Variants in UBXN11 observed in about 807,000 individuals in gnomAD.
UBXN11 encodes the protein UBX domain protein 11.
In UBXN11, 47 loss-of-function variants were observed where a neutral mutation model predicts 62.8. The observed-to-expected ratio is 0.75, with a 90% CI of 0.59 to 0.95. The LOEUF (loss-of-function observed/expected upper bound fraction) is 0.95. Among genes scored for constraint, UBXN11 ranks in the 40% least tolerant of loss-of-function variants. The pLI, the probability that UBXN11 is intolerant of heterozygous loss-of-function variation, is 0.00. For missense variants in UBXN11, 638 were observed against 661.7 expected (o/e 0.96, Z 0.39); for synonymous variants, 294 against 267.0 (o/e 1.10, Z -0.99).
intron 13 of UBXN11, 32 bp downstream of exon 13, chr1:26,282,832 C>T: frequency 6.2e-7 from 1 of 1,614,052 alleles, no homozygotes; most frequent in Non-Finnish European, 8.5e-7. Context: ...ACCCAACGCC[C>T]CCAGGCCCTC....
At chr1:26,301,502 T>C (rs2073533126) in intron 3 of UBXN11, among the ~76,000 whole-genome samples, 192 bp downstream of exon 3, 1 of 152,112 alleles carries the variant, frequency 6.6e-6, no homozygotes, top group African/African-American at 2.4e-5. Context: ...GTATGGGGCC[T>C]CCTAATCTGA....
intron 1 of UBXN11, among the ~76,000 whole-genome samples, chr1:26,305,526 C>G (rs1043499324): frequency 1.3e-5 from 2 of 152,086 alleles, no homozygotes; most frequent in African/African-American, 4.8e-5. Flanking sequence ...CAGCCTTAGG[C>G]AACCACAAAT....
intron 4 of UBXN11, among the ~76,000 whole-genome samples, chr1:26,299,168 T>C (rs1339722934): frequency 1.3e-5 from 2 of 152,272 alleles, no homozygotes; most frequent in South Asian, 2.1e-4. Context: ...GTGAGCTCAC[T>C]GGGGCACAGT....
chr1:26,285,277 GCT>G (rs1450521000), intron 10 of UBXN11, 185 bp downstream of exon 10: 4 of 1,378,744 alleles, frequency 2.9e-6, no homozygotes, highest in Middle Eastern at 2.7e-4. Context: ...GCTGCCTGCT[GCT>G]CTGTTTCGGG....
chr1:26,313,118 T>A (rs2073760226), intron 1 of UBXN11, among the ~76,000 whole-genome samples: 1 of 151,228 alleles, frequency 6.6e-6, no homozygotes, highest in Non-Finnish European at 1.5e-5. Flanking sequence ...CAGCCCTGTC[T>A]CAGTGAGGAT....
At chr1:26,284,949 T>TC in intron 10 of UBXN11, 1 of 1,001,052 alleles carries the variant, frequency 1.0e-6, no homozygotes, top group Non-Finnish European at 1.2e-6. Flanking sequence ...TGACACATGC[T>TC]CCCTCCCGGA....
chr1:26,289,504 C>A (rs1250278575), intron 8 of UBXN11, among the ~76,000 whole-genome samples: 2 of 152,132 alleles, frequency 1.3e-5, no homozygotes, highest in African/African-American at 4.8e-5. Flanking sequence ...AGCTCAGGAG[C>A]ATTGAGCCCT....
intron 10 of UBXN11, chr1:26,285,219 G>A (rs2073098853): frequency 1.5e-6 from 2 of 1,306,072 alleles, no homozygotes; most frequent in Non-Finnish European, 2.0e-6. Context: ...AGGACTAGAA[G>A]GCAGGGGCCC....
At chr1:26,310,100 C>G (rs2073725786), upstream of UBXN11, among the ~76,000 whole-genome samples, 1 of 152,110 alleles carries the variant, frequency 6.6e-6, no homozygotes, top group Non-Finnish European at 1.5e-5. Flanking sequence ...TGTGCCCGGC[C>G]CAAAAAGGAG....
intron 7 of UBXN11, among the ~76,000 whole-genome samples, chr1:26,294,560 C>A (rs532510729): frequency 6.6e-6 from 1 of 152,342 alleles, no homozygotes; most frequent in South Asian, 2.1e-4. Context: ...AGTGACAGTT[C>A]CTGCCACATA....
At chr1:26,305,773 C>A (rs2073652442) in intron 1 of UBXN11, among the ~76,000 whole-genome samples, 3 of 152,168 alleles carry the variant, frequency 2.0e-5, no homozygotes, top group African/African-American at 2.4e-5. Flanking sequence ...CATCACCCAA[C>A]CACATTTTTT....
chr1:26,287,449 TC>T (rs1222855504), intron 8 of UBXN11, among the ~76,000 whole-genome samples: 3 of 152,134 alleles, frequency 2.0e-5, no homozygotes, highest in Admixed American at 2.0e-4. Flanking sequence ...TGTTCTGTCA[TC>T]TTTGATGGGA....
At chr1:26,292,941 G>T (rs1053605482) in intron 8 of UBXN11, among the ~76,000 whole-genome samples, 1 of 152,140 alleles carries the variant, frequency 6.6e-6, no homozygotes, top group Non-Finnish European at 1.5e-5. Context: ...CCTGAGATCT[G>T]GGGGGATCCA....
chr1:26,293,303 T>G (rs1296434653), intron 8 of UBXN11, among the ~76,000 whole-genome samples: 1 of 152,128 alleles, frequency 6.6e-6, no homozygotes, highest in Non-Finnish European at 1.5e-5. Context: ...AAGCATCTTT[T>G]GGGTGACAAT....
chr1:26,289,371 G>GCCAC (rs2073205175), intron 8 of UBXN11, among the ~76,000 whole-genome samples: 1 of 152,030 alleles, frequency 6.6e-6, no homozygotes, highest in Admixed American at 6.6e-5. Flanking sequence ...CTTGCTAGGA[G>GCCAC]CCACCCCCAA....
intron 1 of UBXN11, among the ~76,000 whole-genome samples, chr1:26,316,804 A>C (rs2073799458): frequency 1.5e-5 from 2 of 136,986 alleles, no homozygotes; most frequent in African/African-American, 2.8e-5. Flanking sequence ...CCTCACAGCC[A>C]CTCTCTCACC....
chr1:26,285,202 G>C, intron 10 of UBXN11: 1 of 1,268,522 alleles, frequency 7.9e-7, no homozygotes, highest in Non-Finnish European at 1.0e-6. Flanking sequence ...TGTCCTGAAA[G>C]CTGGGGAGGA....
intron 8 of UBXN11, among the ~76,000 whole-genome samples, chr1:26,286,670 AC>A (rs59587171): frequency 0.15 from 22,276 of 152,102 alleles, 1,837 homozygotes; most frequent in African/African-American, 0.21. Context: ...CATGGTCCTT[AC>A]GCCAACCCTG....
At chr1:26,306,064 T>G (rs1171310463) in intron 1 of UBXN11, among the ~76,000 whole-genome samples, 1 of 152,220 alleles carries the variant, frequency 6.6e-6, no homozygotes, top group Non-Finnish European at 1.5e-5. Context: ...GGGGGACTCC[T>G]GAGGGCAGGG....
Sources: allele counts gnomAD v4.1 joint callset (sites outside exome capture counted in the v4.1 genomes callset), GRCh38; gene constraint gnomAD v4.1.1; transcripts MANE v1.5; gene names NCBI Gene and HGNC (gene_info 2026-07-23, HGNC 2026-07-21).